The following ERMARD variants were observed in gnomAD, a reference collection of about 807,000 sequenced individuals.
ERMARD encodes the protein endoplasmic reticulum membrane-associated RNA degradation protein.
Under a neutral mutation model 83.9 loss-of-function variants are expected in ERMARD, and 71 were observed. That is an observed-to-expected ratio of 0.85 (90% CI 0.70 to 1.03). The LOEUF (loss-of-function observed/expected upper bound fraction) is 1.03, where lower values mean the gene tolerates loss of function less well. ERMARD is among the 50% of genes least tolerant of loss of function. ERMARD has a pLI of 0.00. For synonymous variants in ERMARD, 284 were observed against 298.6 expected (o/e 0.95, Z 0.50); for missense variants, 838 against 810.9 (o/e 1.03, Z -0.41).
Position 169,773,371 on chromosome 6 carries a change from G to C in ERMARD, c.1286G>C (p.Arg429Pro), listed in dbSNP as rs752611527. ...LISLAEGYSS[R>P]CHPVFQLKKQ... ...AGTCTTGCAGAAGGCTATAGTTCTC[G>C]CTGTCATCCGGTTTTTCAGCTTAAA... Residue 429 changes from arginine (R) to proline (P), a missense_variant, in exon 13 of 18, where the codon CGC (arginine) becomes CCC (proline). By Grantham distance (103) the Arg-to-Pro change is moderately radical. Transcript: ENST00000366773. 3 of 1,614,124 alleles carry C rather than the reference G, an allele frequency of 1.9e-6. No individual in the cohort carries two copies. Among genetic ancestry groups the C allele is most frequent in the South Asian group, 2.2e-5 (2 of 91,068 alleles).
chr6:169,775,664 T>C (rs6926884), intron 14 of ERMARD, among the ~76,000 whole-genome samples: 214 of 152,270 alleles, frequency 1.4e-3, no homozygotes, highest in African/African-American at 5.0e-3. Context: ...GATGGAGACA[T>C]AAATTCTGGA....
chr6:169,751,940 C>T (rs914150869), intron 1 of ERMARD: 7 of 468,892 alleles, frequency 1.5e-5, no homozygotes, highest in African/African-American at 1.4e-4. Context: ...GGCGGACGGT[C>T]AGGGAGGGCT....
intron 12 of ERMARD, among the ~76,000 whole-genome samples, chr6:169,772,204 A>G (rs1314215167): frequency 1.3e-5 from 2 of 152,116 alleles, no homozygotes; most frequent in Non-Finnish European, 2.9e-5. Context: ...TTTTACCAAC[A>G]TGTCTTCCTT....
intron 12 of ERMARD, chr6:169,770,873 A>G (rs1415140291): frequency 2.0e-5 from 3 of 151,190 alleles, no homozygotes; most frequent in African/African-American, 7.3e-5. Context: ...TATTTTCTCC[A>G]TTTATTTCAG....
intron 12 of ERMARD, among the ~76,000 whole-genome samples, chr6:169,770,135 C>CT (rs1288777072): frequency 6.6e-6 from 1 of 152,028 alleles, no homozygotes; most frequent in Non-Finnish European, 1.5e-5. Context: ...ATATTTTAAT[C>CT]TTTTTTTCAG....
At chr6:169,780,575 C>T (rs542569755) in intron 17 of ERMARD, among the ~76,000 whole-genome samples, 93 of 152,284 alleles carry the variant, frequency 6.1e-4, no homozygotes, top group African/African-American at 2.1e-3. Flanking sequence ...GTCTCAGTGG[C>T]ACACATCTTC....
chr6:169,766,933 G>C (rs1792285603), intron 10 of ERMARD: 2 of 361,772 alleles, frequency 5.5e-6, no homozygotes, highest in East Asian at 4.2e-5. Context: ...TAATTATTTA[G>C]AGGCTTGCAT....
In ERMARD at chr6:169,779,194, G is replaced by A; in HGVS notation, c.1752G>A (p.Leu584=). 1 of 1,613,956 alleles carries A rather than the reference G, an allele frequency of 6.2e-7. No homozygotes were observed. Among genetic ancestry groups the A allele is most frequent in the Non-Finnish European group, 8.5e-7 (1 of 1,179,780 alleles). ...YLRMWSSIRL[L]SPVLSLILLL... ...TATCTGTTTTTAGTATCAGACTACT[G>A]TCCCCTGTGCTCAGCCTGATACTGT... The change falls in exon 17 of 18, where the codon CTG becomes CTA. Residue 584 remains leucine, a synonymous_variant. Coordinates refer to ENST00000366773, the MANE Select transcript of ERMARD (RefSeq NM_018341.3).
rs1016580907 is a variant in ERMARD at position 169,752,146 on chromosome 6, A to G, written c.6+483A>G. On this transcript the variant is annotated intron_variant, in intron 1 of 17. Transcript: ENST00000366773. ...TGAGGTGGAAGGATCGCTTTAGCCCAGGAGGTGGAGGCTGCAGTGAGCCGA... is the reference window on the plus strand; with the variant it reads ...TGAGGTGGAAGGATCGCTTTAGCCCGGGAGGTGGAGGCTGCAGTGAGCCGA... Among the ~76,000 whole-genome samples, 7 of 152,334 alleles carry G rather than the reference A, an allele frequency of 4.6e-5. No homozygotes were observed. The East Asian group carries it at 9.7e-4, about 21-fold the overall frequency.
intron 17 of ERMARD, among the ~76,000 whole-genome samples, chr6:169,780,207 A>C (rs1373426173): frequency 6.6e-6 from 1 of 152,116 alleles, no homozygotes; most frequent in Non-Finnish European, 1.5e-5. Context: ...CTGGTGCAAG[A>C]CTGCCCTGCT....
intron 2 of ERMARD, 81 bp downstream of exon 2, chr6:169,754,113 C>G (rs1206839114): frequency 1.5e-6 from 2 of 1,364,058 alleles, no homozygotes; most frequent in South Asian, 3.0e-5. Flanking sequence ...CCTTTCTGAC[C>G]ATTGGTTCCT....
At chr6:169,768,879 G>A (rs1038264721) in intron 11 of ERMARD, among the ~76,000 whole-genome samples, 5 of 152,084 alleles carry the variant, frequency 3.3e-5, no homozygotes, top group Admixed American at 1.3e-4. Context: ...AAGATATTTC[G>A]GTGACTAATT....
intron 9 of ERMARD, among the ~76,000 whole-genome samples, chr6:169,764,354 C>A (rs1277355737): frequency 6.6e-6 from 1 of 151,494 alleles, no homozygotes. Context: ...AGCCTCAATC[C>A]CCGGGCTCAA....
At position 169,766,618 on chromosome 6, in the gene ERMARD, A is replaced by G. The variant is rs774926473; in HGVS notation, c.961-20A>G. On this transcript the variant is annotated intron_variant, in intron 9 of 17. Transcript: ENST00000366773. ...TATTTTGCTTTAATTGTTTATTTTC[A>G]TTTCTTTCCTTTTCTGAAGTCAACA... The G allele has an allele frequency of 1.9e-6, 3 of 1,564,572 alleles. No homozygotes were observed. Among genetic ancestry groups the G allele is most frequent in the Non-Finnish European group, 2.6e-6 (3 of 1,163,338 alleles).
In ERMARD at chr6:169,751,645, G is replaced by A. The variant is rs182293452; in HGVS notation, c.-13G>A. 2.6e-6 allele frequency: 4 copies of A among 1,565,670 alleles called. No homozygotes were observed. The highest frequency in any genetic ancestry group is 3.5e-6 in the Non-Finnish European group (4 of 1,155,080). On this transcript the variant is annotated 5_prime_UTR_variant, in exon 1 of 18. Transcript: ENST00000366773. ...GCGTCATTCACGCGCGCCGCAGCGGGGCACCGGAAGTTATGGAGGTAGGGC... is the reference window on the plus strand; with the variant it reads ...GCGTCATTCACGCGCGCCGCAGCGGAGCACCGGAAGTTATGGAGGTAGGGC...
intron 11 of ERMARD, 26 bp from the exon 12 acceptor site, chr6:169,769,514 T>C: frequency 6.3e-7 from 1 of 1,586,026 alleles, no homozygotes; most frequent in Non-Finnish European, 8.6e-7. Context: ...ACTAACAAAA[T>C]ATTTTCTCTG....
At chr6:169,779,523 CTTG>C (rs1320732679) in intron 17 of ERMARD, among the ~76,000 whole-genome samples, 2 of 152,012 alleles carry the variant, frequency 1.3e-5, no homozygotes, top group African/African-American at 4.8e-5. Context: ...GAGACAGAGT[CTTG>C]TTCTGTTGCC....
chr6:169,769,311 T>A (rs1792601278), intron 11 of ERMARD, among the ~76,000 whole-genome samples: 1 of 152,170 alleles, frequency 6.6e-6, no homozygotes, highest in Non-Finnish European at 1.5e-5. Context: ...CAAGAAAGAC[T>A]GGAATTTGAT....
At chr6:169,764,230 A>G (rs1189479024) in intron 9 of ERMARD, among the ~76,000 whole-genome samples, 1 of 148,570 alleles carries the variant, frequency 6.7e-6, no homozygotes, top group African/African-American at 2.5e-5. Flanking sequence ...TCATTCTCAC[A>G]GTCCTGCTGA....
Sources: allele counts gnomAD v4.1 joint callset (sites outside exome capture counted in the v4.1 genomes callset), GRCh38; gene constraint gnomAD v4.1.1; transcripts MANE v1.5; gene names NCBI Gene and HGNC (gene_info 2026-07-23, HGNC 2026-07-21).